The following ARHGEF10 variants were observed in gnomAD, a reference collection of about 807,000 sequenced individuals.
ARHGEF10 encodes Rho guanine nucleotide exchange factor (GEF) 10.
A neutral mutation model predicts 147.4 loss-of-function variants in ARHGEF10; 140 were observed. That is an observed-to-expected ratio of 0.95 (90% confidence interval 0.83 to 1.09). The LOEUF (loss-of-function observed/expected upper bound fraction) is 1.09, where lower values mean the gene tolerates loss of function less well. ARHGEF10 is among the 50% of genes least tolerant of loss of function. ARHGEF10 has a pLI of 0.00. For synonymous variants in ARHGEF10, 902 were observed against 695.8 expected (o/e 1.30, Z -4.67); for missense variants, 2,222 against 1,752.7 (o/e 1.27, Z -4.78).
intron 7 of ARHGEF10, among the ~76,000 whole-genome samples, chr8:1,873,824 C>T (rs532117774): frequency 6.6e-6 from 1 of 152,138 alleles, no homozygotes; most frequent in Non-Finnish European, 1.5e-5. Flanking sequence ...GGGAGAATTC[C>T]TTACTAGATG....
intron 11 of ARHGEF10, among the ~76,000 whole-genome samples, chr8:1,888,110 GACACTTA>G (rs1808870373): frequency 8.7e-6 from 1 of 114,420 alleles, no homozygotes; most frequent in African/African-American, 5.6e-5. Flanking sequence ...GTTTTGAGGA[GACACTTA>G]GTGGGGTGAG....
At chr8:1,907,348 C>T (rs1214998002) in intron 17 of ARHGEF10, among the ~76,000 whole-genome samples, 3 of 152,170 alleles carry the variant, frequency 2.0e-5, no homozygotes, top group Non-Finnish European at 2.9e-5. Context: ...CAGCTCCTCA[C>T]CTGCAAGTTG....
chr8:1,919,839 T>A (rs1359826100), intron 18 of ARHGEF10, among the ~76,000 whole-genome samples: 1 of 136,000 alleles, frequency 7.4e-6, no homozygotes, highest in East Asian at 2.3e-4. Flanking sequence ...GTTCTGTCAG[T>A]GATGGAGCTG....
At chr8:1,922,529 T>C (rs1466063698) in intron 18 of ARHGEF10, among the ~76,000 whole-genome samples, 1 of 152,120 alleles carries the variant, frequency 6.6e-6, no homozygotes, top group African/African-American at 2.4e-5. Flanking sequence ...TCCCCCAGAC[T>C]GGAGGAGATT....
At chr8:1,928,881 G>A (rs1371676818) in intron 24 of ARHGEF10, among the ~76,000 whole-genome samples, 1 of 152,186 alleles carries the variant, frequency 6.6e-6, no homozygotes, top group African/African-American at 2.4e-5. Flanking sequence ...TTTCTTTAAA[G>A]GGGACAGTTT....
chr8:1,956,392 A>T (rs1815567750), intron 28 of ARHGEF10, among the ~76,000 whole-genome samples: 1 of 152,234 alleles, frequency 6.6e-6, no homozygotes, highest in Non-Finnish European at 1.5e-5. Flanking sequence ...GACTTAGGAA[A>T]ATTTGGGATA....
chr8:1,930,420 T>TCCGCTTCTACTGATTCATTCTC (rs1813031388), intron 25 of ARHGEF10, among the ~76,000 whole-genome samples: 1 of 152,200 alleles, frequency 6.6e-6, no homozygotes, highest in Non-Finnish European at 1.5e-5. Context: ...CCTTCATTCT[T>TCCGCTTCTACTGATTCATTCTC]CCGCTTCTAC....
At position 1,923,479 on chromosome 8, in the gene ARHGEF10, G is replaced by C; in HGVS notation, c.2271G>C (p.Gln757His). The change falls in exon 20 of 29, where the codon CAG becomes CAC. Residue 757 changes from glutamine to histidine, a missense_variant. By Grantham distance (24) the Gln-to-His change is conservative. Coordinates refer to ENST00000349830, the MANE Select transcript of ARHGEF10 (RefSeq NM_014629.4). The part of the protein sequence containing the change: ...NLKGNYQNLN[Q>H]SVAHDWTSGL... Reference sequence around the variant, plus strand: ...TATTTCCTTTGTAGAACTTAAACCAGTCAGTAGCCCATGACTGGACATCAG... The same window carrying C: ...TATTTCCTTTGTAGAACTTAAACCACTCAGTAGCCCATGACTGGACATCAG... The C allele has an allele frequency of 1.2e-6, 2 of 1,614,094 alleles. No individual in the cohort carries two copies. Among genetic ancestry groups the C allele is most frequent in the Non-Finnish European group, 1.7e-6 (2 of 1,180,034 alleles).
intron 9 of ARHGEF10, among the ~76,000 whole-genome samples, chr8:1,881,295 C>A (rs925767088): frequency 1.3e-5 from 2 of 152,180 alleles, no homozygotes; most frequent in African/African-American, 4.8e-5. Context: ...GCTCAGGGAG[C>A]ATGGCGGCCC....
chr8:1,903,072 A>G (rs565438022), intron 15 of ARHGEF10, among the ~76,000 whole-genome samples: 30 of 150,992 alleles, frequency 2.0e-4, no homozygotes, highest in African/African-American at 7.4e-4. Context: ...TATTTTTTCA[A>G]TTTTGTTTTT....
chr8:1,928,780 A>C (rs943947946), intron 24 of ARHGEF10, 130 bp downstream of exon 24: 5 of 1,037,514 alleles, frequency 4.8e-6, no homozygotes, highest in African/African-American at 4.7e-5. Flanking sequence ...AGGGGATACC[A>C]GGGGAAATTT....
In ARHGEF10 at chr8:1,866,564, G is replaced by T. The variant is rs376450525; in HGVS notation, c.584G>T (p.Arg195Leu). ...GGTCGAGAGGACAGCGCACTTGCCC[G>T]CTGGGCCGCAGACCCGGCCAACACA... is the stretch of plus-strand genomic sequence containing the variant. Reference protein sequence around the residue: ...QVGREDSALARWAADPANTAW... With the variant: ...QVGREDSALALWAADPANTAW... Residue 195 changes from arginine (R) to leucine (L), a missense_variant, in exon 6 of 29, where the codon CGC becomes CTC. Coordinates refer to ENST00000349830, the MANE Select transcript of ARHGEF10 (RefSeq NM_014629.4). 3.7e-6 allele frequency: 6 copies of T among 1,608,800 alleles called. No individual in the cohort carries two copies. The East Asian group carries it at 6.7e-5, about 18-fold the overall frequency.
At chr8:1,848,846 T>G (rs1409186547) in intron 2 of ARHGEF10, among the ~76,000 whole-genome samples, 1 of 152,252 alleles carries the variant, frequency 6.6e-6, no homozygotes, top group East Asian at 1.9e-4. Context: ...TGCATGGTTA[T>G]GTTTCAAACA....
intron 27 of ARHGEF10, among the ~76,000 whole-genome samples, chr8:1,951,065 C>CG (rs1020380305): frequency 1.3e-5 from 2 of 152,134 alleles, no homozygotes; most frequent in Admixed American, 1.3e-4. Context: ...CACGGAGGGC[C>CG]GGGGAGGCCG....
In ARHGEF10 at chr8:1,842,009, GGCCGCGGCGGGAAC is replaced by G. The variant is rs1563162068; in HGVS notation, c.-47-1343_-47-1330del. Among the ~76,000 whole-genome samples the G allele has an allele frequency of 2.7e-4, 24 of 88,528 alleles. 2 individuals are homozygous for G. The highest frequency in any genetic ancestry group is 6.7e-4 in the African/African-American group (17 of 25,428). 58.1% of individuals were successfully genotyped at this position (88,528 alleles called of 152,430 possible). Reference sequence around the variant, plus strand: ...GAACTGGGGCCGCGGCGGGAACTGGGGCCGCGGCGGGAACTGGGGCCGCGGCGGGAACTGGGGCC... The same window carrying G: ...GAACTGGGGCCGCGGCGGGAACTGGGTGGGGCCGCGGCGGGAACTGGGGCC... On this transcript the variant is annotated intron_variant, in intron 1 of 28. Transcript: ENST00000349830.
rs551835973 is a variant in ARHGEF10, at chr8:1,906,995, C to T, written c.1967+1279C>T. 1.2e-3 allele frequency among the ~76,000 whole-genome samples: 189 copies of T among 152,316 alleles called. 2 individuals are homozygous for T. Among genetic ancestry groups the T allele is most frequent in the African/African-American group, 4.2e-3 (175 of 41,562 alleles). On this transcript the variant is annotated intron_variant, in intron 17 of 28. Coordinates refer to ENST00000349830, the MANE Select transcript of ARHGEF10 (RefSeq NM_014629.4). ...CCCATGGCTTGGCCTTCACTGTGGACGCCTGGCGACAGCCGCAGGCCACCT... is the reference window on the plus strand; with the variant it reads ...CCCATGGCTTGGCCTTCACTGTGGATGCCTGGCGACAGCCGCAGGCCACCT...
chr8:1,858,167 AGTCCCCAGGTGG>A (rs1441097560), intron 3 of ARHGEF10, 52 bp downstream of exon 3: 2 of 1,247,558 alleles, frequency 1.6e-6, no homozygotes, highest in African/African-American at 4.5e-5. Context: ...TCCCCAGGTG[AGTCCCCAGGTGG>A]GTCCCCATGT....
rs968458649 is a variant in ARHGEF10 at position 1,958,281 on chromosome 8, T to G, written c.*1018T>G. On this transcript the variant is annotated 3_prime_UTR_variant, in exon 29 of 29. Transcript: ENST00000349830. Reference sequence around the variant, plus strand: ...CCAGCCTGTCTGTTGTGCAGACGCCTCCTCTGCAGAACGCATCAGTTTCTA... The same window carrying G: ...CCAGCCTGTCTGTTGTGCAGACGCCGCCTCTGCAGAACGCATCAGTTTCTA... 1.3e-5 allele frequency: 2 copies of G among 152,232 alleles called. No individual in the cohort carries two copies. The highest frequency in any genetic ancestry group is 2.9e-5 in the Non-Finnish European group (2 of 68,046). The allele number at this position is 152,232 out of a possible 1,614,324, so 9.4% of individuals were successfully genotyped here.
At chr8:1,920,781 G>GT (rs143762058) in intron 18 of ARHGEF10, among the ~76,000 whole-genome samples, 10,916 of 149,080 alleles carry the variant, frequency 0.073, 510 homozygotes, top group Non-Finnish European at 0.098. Context: ...TTGCTCTTTC[G>GT]TTTTTTTTTG....
Sources: gnomAD v4.1 joint callset for allele counts (sites outside exome capture counted in the v4.1 genomes callset) on GRCh38, gnomAD v4.1.1 for gene constraint, MANE v1.5 for transcripts, NCBI Gene and HGNC (gene_info 2026-07-23, HGNC 2026-07-21) for gene names.